Variants in PRKAG2 observed in about 807,000 individuals in gnomAD.
PRKAG2 encodes protein kinase AMP-activated non-catalytic subunit gamma 2.
A neutral mutation model predicts 69.6 loss-of-function variants in PRKAG2; 26 were observed. The ratio of observed to expected loss-of-function variants is 0.37; its 90% confidence interval spans 0.27 to 0.52. The LOEUF (loss-of-function observed/expected upper bound fraction) is 0.52. Ranked by LOEUF, PRKAG2 falls within the 20% of genes least tolerant of loss-of-function variation. The pLI is 0.90. For synonymous variants in PRKAG2, 293 were observed against 285.0 expected, an observed-to-expected ratio of 1.03 and a Z score of -0.28; for missense variants, 557 against 740.0, an observed-to-expected ratio of 0.75 and a Z score of 2.87.
intron 7 of PRKAG2, chr7:151,576,069 T>C (rs1403078416): frequency 9.9e-6 from 4 of 402,900 alleles, no homozygotes; most frequent in Non-Finnish European, 1.9e-5. Context: ...CCTCCTGGGC[T>C]CAAGTGATCC....
At chr7:151,811,976 T>A (rs2078444916) in intron 1 of PRKAG2, among the ~76,000 whole-genome samples, 1 of 152,192 alleles carries the variant, frequency 6.6e-6, no homozygotes, top group African/African-American at 2.4e-5. Context: ...AATTTCCTTG[T>A]GTAAAAGGGA....
At chr7:151,585,905 G>T (rs6964531) in intron 6 of PRKAG2, among the ~76,000 whole-genome samples, 22,042 of 152,184 alleles carry the variant, frequency 0.14, 1,708 homozygotes, top group East Asian at 0.27. Flanking sequence ...CGCAGGACGC[G>T]TTCCTGAGCT....
chr7:151,863,469 T>G (rs2079986386), intron 1 of PRKAG2, among the ~76,000 whole-genome samples: 1 of 152,096 alleles, frequency 6.6e-6, no homozygotes, highest in Admixed American at 6.5e-5. Flanking sequence ...GTGTGAATGC[T>G]TCATCGCCCT....
At chr7:151,629,178 A>G (rs1823768854) in intron 5 of PRKAG2, among the ~76,000 whole-genome samples, 3 of 152,208 alleles carry the variant, frequency 2.0e-5, no homozygotes, top group Non-Finnish European at 4.4e-5. Context: ...TGGTTGTGAC[A>G]GAAACTGAGA....
intron 3 of PRKAG2, among the ~76,000 whole-genome samples, chr7:151,689,801 C>T (rs938844990): frequency 3.9e-5 from 6 of 152,144 alleles, no homozygotes; most frequent in South Asian, 4.1e-4. Flanking sequence ...GCCAGTGAGA[C>T]GGGTTGGGGA....
At chr7:151,874,577 C>T (rs1036637532) in intron 1 of PRKAG2, among the ~76,000 whole-genome samples, 11 of 151,908 alleles carry the variant, frequency 7.2e-5, no homozygotes, top group Admixed American at 1.3e-4. Context: ...TTATAGGACA[C>T]TTTACACTTG....
chr7:151,610,536 G>C (rs1347894097), intron 5 of PRKAG2, among the ~76,000 whole-genome samples: 1 of 151,672 alleles, frequency 6.6e-6, no homozygotes, highest in East Asian at 2.0e-4. Flanking sequence ...AATTAGCTGG[G>C]CGTGGTGGTG....
At chr7:151,597,799 T>C (rs1206086144) in intron 5 of PRKAG2, among the ~76,000 whole-genome samples, 2 of 146,164 alleles carry the variant, frequency 1.4e-5, no homozygotes, top group South Asian at 2.2e-4. Context: ...TGAGTGTTGC[T>C]GAGGATGTGG....
rs1431661228 is a variant in PRKAG2 at position 151,807,320 on chromosome 7, G to A, written c.115-20779C>T. 2 of 430,014 alleles carry A rather than the reference G, an allele frequency of 4.7e-6. No individual in the cohort carries two copies. Among genetic ancestry groups the A allele is most frequent in the Non-Finnish European group, 9.5e-6 (2 of 209,580 alleles). 26.6% of individuals were successfully genotyped at this position (430,014 alleles called of 1,614,324 possible). A position where few individuals can be genotyped will look rare whatever the true frequency, so the allele number is the denominator to read the frequency against. On this transcript the variant is annotated intron_variant, in intron 1 of 15. Coordinates refer to ENST00000287878, the MANE Select transcript of PRKAG2 (RefSeq NM_016203.4). This position sits in a 1 kb window ranked among gnomAD's most constrained non-coding sequence, Gnocchi z 4.4. ...AAAACAAGCAATCTACAGAACGTGG[G>A]AAAATGCCTATATTAAGAATCCTGG... is the stretch of plus-strand genomic sequence containing the variant.
intron 3 of PRKAG2, among the ~76,000 whole-genome samples, chr7:151,690,583 A>G (rs986871403): frequency 3.3e-5 from 5 of 152,208 alleles, no homozygotes; most frequent in Admixed American, 1.3e-4. Flanking sequence ...CCCGGATTCA[A>G]TTGTACCACA....
chr7:151,641,932 G>T (rs1826773000), intron 4 of PRKAG2, among the ~76,000 whole-genome samples: 3 of 150,896 alleles, frequency 2.0e-5, no homozygotes, highest in Admixed American at 2.0e-4. Flanking sequence ...CAGTAGCTCG[G>T]TCTGTAATCC....
intron 1 of PRKAG2, among the ~76,000 whole-genome samples, chr7:151,843,567 A>G (rs1232345238): frequency 6.6e-6 from 1 of 152,206 alleles, no homozygotes; most frequent in East Asian, 1.9e-4. Context: ...TTCAAAGAGA[A>G]TAAATGGATT....
chr7:151,777,402 G>A lies in PRKAG2; in HGVS notation c.466+3750C>T, dbSNP rs181719991. 6.6e-6 allele frequency among the ~76,000 whole-genome samples: 1 copy of A among 152,172 alleles called. No individual in the cohort carries two copies. Among genetic ancestry groups the A allele is most frequent in the Non-Finnish European group, 1.5e-5 (1 of 68,020 alleles). On this transcript the variant is annotated intron_variant, in intron 3 of 15. Coordinates refer to ENST00000287878, the MANE Select transcript of PRKAG2 (RefSeq NM_016203.4). The surrounding 1 kb of genome is among the most constrained non-coding windows in gnomAD (Gnocchi z 4.3). ...AAATTGGATCCCCGGTGTTGGAGGT[G>A]GGGCCCCGTGGGAGGTGTTTGGGTC... is the stretch of plus-strand genomic sequence containing the variant.
chr7:151,570,347 A>C (rs1807253507), intron 9 of PRKAG2, 122 bp from the exon 10 acceptor site: 2 of 1,156,080 alleles, frequency 1.7e-6, no homozygotes, highest in Middle Eastern at 2.6e-4. Flanking sequence ...TCAAATAAAA[A>C]GAAATTTAAT....
intron 1 of PRKAG2, among the ~76,000 whole-genome samples, chr7:151,844,634 C>T (rs1211415196): frequency 2.6e-5 from 4 of 152,134 alleles, no homozygotes; most frequent in Non-Finnish European, 4.4e-5. Context: ...TATGCAAACA[C>T]GAGTTATTAT....
intron 5 of PRKAG2, among the ~76,000 whole-genome samples, chr7:151,618,034 T>C (rs1169326511): frequency 6.6e-6 from 1 of 152,126 alleles, no homozygotes; most frequent in Non-Finnish European, 1.5e-5. Context: ...ATTAAACTCA[T>C]AAGTTGGCTG....
At chr7:151,564,560 G>A (rs1301549699) in intron 13 of PRKAG2, among the ~76,000 whole-genome samples, 1 of 152,174 alleles carries the variant, frequency 6.6e-6, no homozygotes, top group Admixed American at 6.5e-5. Context: ...CTCTGGCAAG[G>A]TGGGCTGACA....
intron 1 of PRKAG2, among the ~76,000 whole-genome samples, chr7:151,845,360 T>G (rs2079406000): frequency 6.6e-6 from 1 of 152,122 alleles, no homozygotes; most frequent in Non-Finnish European, 1.5e-5. Context: ...CCAGTGGTCC[T>G]CAGAGCGTGG....
intron 4 of PRKAG2, among the ~76,000 whole-genome samples, chr7:151,651,593 C>T (rs529312600): frequency 2.6e-4 from 40 of 152,004 alleles, no homozygotes; most frequent in Non-Finnish European, 5.1e-4. Flanking sequence ...GGCAACAGGG[C>T]GAGACTCCAC....
Sources: gnomAD v4.1 joint callset for allele counts (sites outside exome capture counted in the v4.1 genomes callset) on GRCh38, gnomAD v4.1.1 for gene constraint, Gnocchi (gnomAD v3.1) non-coding constraint, MANE v1.5 for transcripts, NCBI Gene and HGNC (gene_info 2026-07-23, HGNC 2026-07-21) for gene names.